Variants in MRTFB observed in about 807,000 individuals in gnomAD.
MRTFB encodes the protein myocardin related transcription factor B, also known as myocardin-related transcription factor B.
In MRTFB, 29 loss-of-function variants were observed where a neutral mutation model predicts 104.2. The observed-to-expected ratio is 0.28, with a 90% CI of 0.21 to 0.38. MRTFB has a LOEUF of 0.38. Among genes scored for constraint, MRTFB ranks in the 10% least tolerant of loss-of-function variants. MRTFB has a pLI of 1.00. For synonymous variants in MRTFB, 535 were observed against 519.5 expected, an observed-to-expected ratio of 1.03 and a Z score of -0.41; for missense variants, 1,270 against 1,341.6, an observed-to-expected ratio of 0.95 and a Z score of 0.83.
upstream of MRTFB, among the ~76,000 whole-genome samples, chr16:14,066,367 G>A (rs1004700845): frequency 1.3e-5 from 2 of 150,256 alleles, no homozygotes; most frequent in African/African-American, 4.9e-5. Context: ...TCCGCCTCCT[G>A]GGTTCAAGCG....
At chr16:14,034,616 C>CAAA in the MRTFB span, among the ~76,000 whole-genome samples, 24 of 57,806 alleles carry the variant, frequency 4.2e-4, no homozygotes, top group South Asian at 6.5e-4. Flanking sequence ...CTCCATCTCA[C>CAAA]AAAAAAAAAA....
chr16:14,058,505 A>G, the MRTFB span, among the ~76,000 whole-genome samples: 3 of 151,836 alleles, frequency 2.0e-5, no homozygotes, highest in African/African-American at 7.2e-5. Context: ...TGTGTGAGGT[A>G]GGTACTGTCT....
At chr16:14,207,585 G>A (rs192003528) in intron 3 of MRTFB, among the ~76,000 whole-genome samples, 64 of 152,296 alleles carry the variant, frequency 4.2e-4, no homozygotes, top group Non-Finnish European at 2.9e-5. Context: ...TGAGATGACA[G>A]GTAGTTGAAG....
At chr16:14,194,538 A>C (rs1184522635) in intron 3 of MRTFB, among the ~76,000 whole-genome samples, 1 of 152,244 alleles carries the variant, frequency 6.6e-6, no homozygotes, top group African/African-American at 2.4e-5. Flanking sequence ...AGTCTATAAC[A>C]GCAGTGAATT....
intron 6 of MRTFB, among the ~76,000 whole-genome samples, chr16:14,215,668 TATC>T (rs1332580964): frequency 6.6e-6 from 1 of 152,234 alleles, no homozygotes; most frequent in Non-Finnish European, 1.5e-5. Context: ...TCTCCCCAAG[TATC>T]ATCTTGTATG....
Position 14,247,356 on chromosome 16 carries a change from A to T in MRTFB, c.2096A>T (p.Tyr699Phe). The T allele has an allele frequency of 6.2e-7, 1 of 1,614,166 alleles. No individual in the cohort carries two copies. The highest frequency in any genetic ancestry group is 8.5e-7 in the Non-Finnish European group (1 of 1,180,032). Residue 699 changes from tyrosine to phenylalanine, a missense_variant, in exon 12 of 17, where the codon TAT (tyrosine) becomes TTT (phenylalanine). By Grantham distance (22) the Tyr-to-Phe change is conservative (BLOSUM62 3). This residue lies in a region of MRTFB where 1,144 missense variants were observed against 1,131.5 expected (regional missense o/e 1.01). Transcript: ENST00000571589. ...AEQQSVVSQFYVSSQGQPPPA... is the reference protein window; with the variant it reads ...AEQQSVVSQFFVSSQGQPPPA... ...CAGCAGAGTGTCGTCTCGCAGTTTT[A>T]TGTGAGTTCCCAGGGACAGCCACCG...
intron 3 of MRTFB, among the ~76,000 whole-genome samples, chr16:14,147,644 G>A (rs992198511): frequency 6.6e-6 from 1 of 152,158 alleles, no homozygotes; most frequent in African/African-American, 2.4e-5. Flanking sequence ...TTTGTAGCTG[G>A]CAGTGAGTTT....
intron 14 of MRTFB, 39 bp from the exon 15 acceptor site, chr16:14,252,326 G>C: frequency 6.3e-7 from 1 of 1,597,114 alleles, no homozygotes; most frequent in South Asian, 1.1e-5. Context: ...GAGGTTTATT[G>C]CCAAGAGGTA....
At position 14,177,893 on chromosome 16, in the gene MRTFB, C is replaced by T. The variant is rs981109669; in HGVS notation, c.155-32350C>T. Among the ~76,000 whole-genome samples the T allele has an allele frequency of 1.6e-5, 2 of 125,804 alleles. No individual in the cohort carries two copies. The highest frequency in any genetic ancestry group is 6.3e-5 in the African/African-American group (2 of 31,758). The allele number at this position is 125,804 out of a possible 152,430, so 82.5% of individuals were successfully genotyped here. A position where few individuals can be genotyped will look rare whatever the true frequency, so the allele number is the denominator to read the frequency against. On this transcript the variant is annotated intron_variant, in intron 3 of 16. Coordinates refer to ENST00000571589, the MANE Select transcript of MRTFB (RefSeq NM_001308142.2). This position sits in a 1 kb window ranked among gnomAD's most constrained non-coding sequence, Gnocchi z 4.7. ...ATTTAGAAAGCGAGAAGTACATGAA[C>T]CAGAGGTAGGGTGTGTGTGTGTGTG...
chr16:14,121,879 G>C (rs1227023849), intron 2 of MRTFB, among the ~76,000 whole-genome samples: 1 of 152,174 alleles, frequency 6.6e-6, no homozygotes, highest in African/African-American at 2.4e-5. Context: ...GTAGAACTGA[G>C]TTTTTTAATT....
intron 2 of MRTFB, among the ~76,000 whole-genome samples, chr16:14,139,426 G>A (rs1037246205): frequency 6.6e-6 from 1 of 152,110 alleles, no homozygotes; most frequent in Middle Eastern, 3.2e-3. Context: ...CCGAGGATGT[G>A]GAACAACTGG....
chr16:14,008,208 A>G, the MRTFB span, among the ~76,000 whole-genome samples: 1 of 152,096 alleles, frequency 6.6e-6, no homozygotes, highest in Admixed American at 6.6e-5. Context: ...TCTTAAAAAA[A>G]TAAAGTCCAA....
chr16:14,130,936 G>T (rs1243563768), intron 2 of MRTFB, among the ~76,000 whole-genome samples: 8 of 152,098 alleles, frequency 5.3e-5, no homozygotes, highest in Admixed American at 5.2e-4. Context: ...CAGCATGGGG[G>T]TAACTGCCCC....
the MRTFB span, among the ~76,000 whole-genome samples, chr16:14,015,326 G>A: frequency 6.6e-6 from 1 of 152,172 alleles, no homozygotes; most frequent in Admixed American, 6.5e-5. Flanking sequence ...ATTCAGCAAA[G>A]AGAACTTTAT....
intron 7 of MRTFB, 77 bp from the exon 8 acceptor site, chr16:14,218,743 A>G (rs144987333): frequency 7.1e-7 from 1 of 1,402,984 alleles, no homozygotes; most frequent in East Asian, 2.4e-5. Flanking sequence ...CATAGGAAAC[A>G]ATGTTTTCCT....
chr16:14,170,078 T>G (rs542479172), intron 3 of MRTFB: 1 of 152,336 alleles, frequency 6.6e-6, no homozygotes, highest in East Asian at 1.9e-4. Context: ...TGATTTTTTC[T>G]TTTAATTGGA....
intron 1 of MRTFB, 129 bp from the exon 2 acceptor site, chr16:14,079,160 AT>A (rs2034249563): frequency 3.4e-6 from 1 of 295,210 alleles, no homozygotes; most frequent in African/African-American, 2.1e-5. Flanking sequence ...CTTCCTGACC[AT>A]TCCATTTTAA....
intron 2 of MRTFB, among the ~76,000 whole-genome samples, chr16:14,102,279 G>A (rs1340533093): frequency 6.6e-6 from 1 of 152,180 alleles, no homozygotes; most frequent in Non-Finnish European, 1.5e-5. Flanking sequence ...CTAGTTTTGT[G>A]ACAGTGCAAG....
At chr16:14,161,153 G>A (rs778849452) in intron 3 of MRTFB, among the ~76,000 whole-genome samples, 14 of 142,352 alleles carry the variant, frequency 9.8e-5, no homozygotes, top group Non-Finnish European at 1.9e-4. Flanking sequence ...GCAGTGCTAG[G>A]ATACATTTTT....
Sources: gnomAD v4.1 joint callset for allele counts (sites outside exome capture counted in the v4.1 genomes callset) on GRCh38, gnomAD v4.1.1 for gene constraint, gnomAD v4.1.1 regional missense constraint, Gnocchi (gnomAD v3.1) non-coding constraint, MANE v1.5 for transcripts, NCBI Gene and HGNC (gene_info 2026-07-23, HGNC 2026-07-21) for gene names.